The following IL4I1 variants were observed in gnomAD, a reference collection of about 807,000 sequenced individuals.
IL4I1 encodes L-amino-acid oxidase.
Under a neutral mutation model 29.7 loss-of-function variants are expected in IL4I1, and 24 were observed. The observed-to-expected ratio is 0.81, with a 90% CI of 0.59 to 1.14. The LOEUF (loss-of-function observed/expected upper bound fraction) is 1.14, where lower values mean the gene tolerates loss of function less well. Ranked by LOEUF, IL4I1 falls within the 50% of genes most tolerant of loss-of-function variation. The probability of loss-of-function intolerance (pLI) is 0.00; values close to 1 mark genes in which losing one functional copy is unlikely to be tolerated. For synonymous variants in IL4I1, 371 were observed against 352.5 expected, an observed-to-expected ratio of 1.05 and a Z score of -0.59; for missense variants, 686 against 785.6, an observed-to-expected ratio of 0.87 and a Z score of 1.52.
intron 5 of IL4I1, among the ~76,000 whole-genome samples, chr19:49,892,973 TG>T (rs2075158635): frequency 1.3e-5 from 2 of 151,682 alleles, no homozygotes; most frequent in African/African-American, 4.8e-5. Context: ...AGTTCCTGTG[TG>T]GGGAAGGGAA....
intron 3 of IL4I1, 31 bp downstream of exon 3, chr19:49,895,783 AC>A: frequency 7.4e-7 from 1 of 1,359,184 alleles, no homozygotes; most frequent in Non-Finnish European, 9.9e-7. Context: ...AGCAGGAGGG[AC>A]TCCAGGTAGA....
chr19:49,907,776 T>C (rs1011177294), intron 2 of IL4I1: 6 of 332,168 alleles, frequency 1.8e-5, no homozygotes, highest in African/African-American at 1.1e-4. Context: ...CCTCAAGTCA[T>C]CTGCCCGCCT....
chr19:49,908,288 T>A lies in IL4I1; in HGVS notation c.-227-3967A>T, dbSNP rs1062800. On this transcript the variant is annotated intron_variant, in intron 2 of 9. Coordinates refer to the IL4I1 transcript ENST00000341114. The stretch of plus-strand genomic sequence containing the variant: ...GCGCTCCTGCTCCTTGCGCCGGCCC[T>A]CGCACACCTTGGTCACCTCCTCCAC... The A allele has an allele frequency of 2.5e-6, 4 of 1,613,940 alleles. No individual in the cohort carries two copies. The highest frequency in any genetic ancestry group is 3.4e-6 in the Non-Finnish European group (4 of 1,180,026).
At chr19:49,891,704 C>T (rs1471244208) in intron 5 of IL4I1, among the ~76,000 whole-genome samples, 2 of 152,256 alleles carry the variant, frequency 1.3e-5, no homozygotes, top group African/African-American at 2.4e-5. Flanking sequence ...CCCATCCCCC[C>T]TCATTCGGCT....
At chr19:49,890,726 C>G in intron 7 of IL4I1, 126 bp from the exon 8 acceptor site, 1 of 934,296 alleles carries the variant, frequency 1.1e-6, no homozygotes, top group Non-Finnish European at 1.5e-6. Context: ...TCATCCACCT[C>G]TCCCGACCCC....
chr19:49,901,604 C>A, upstream of IL4I1: 1 of 1,418,844 alleles, frequency 7.0e-7, no homozygotes, highest in South Asian at 1.5e-5. Context: ...TTCCTGTTTC[C>A]AGAACATCCC....
chr19:49,900,622 G>T (rs948987758), upstream of IL4I1, among the ~76,000 whole-genome samples: 1 of 152,084 alleles, frequency 6.6e-6, no homozygotes, highest in Non-Finnish European at 1.5e-5. Context: ...AAGGAGATTG[G>T]TGTTCAGGTT....
intron 2 of IL4I1, chr19:49,909,118 G>T: frequency 6.2e-7 from 1 of 1,612,560 alleles, no homozygotes. Flanking sequence ...TGGCAGATGA[G>T]GTTGGAGCAG....
In IL4I1 at chr19:49,921,765, C is replaced by T. The variant is rs1156713025; in HGVS notation, c.-228+5929G>A. On this transcript the variant is annotated intron_variant, in intron 2 of 9. Coordinates refer to the IL4I1 transcript ENST00000341114. This position sits in a 1 kb window ranked among gnomAD's most constrained non-coding sequence, Gnocchi z 5.4. The stretch of plus-strand genomic sequence containing the variant: ...CCGCCTCTGCCTCTCCCCGCAGCTC[C>T]GACCATGACCATCCATCCTATGAGT... Among the ~76,000 whole-genome samples the T allele has an allele frequency of 6.6e-6, 1 of 152,180 alleles. No homozygotes were observed. Among genetic ancestry groups the T allele is most frequent in the African/African-American group, 2.4e-5 (1 of 41,446 alleles).
upstream of IL4I1, among the ~76,000 whole-genome samples, chr19:49,898,102 C>G (rs1347288260): frequency 6.6e-6 from 1 of 152,208 alleles, no homozygotes; most frequent in Non-Finnish European, 1.5e-5. Flanking sequence ...AGGCGGATCA[C>G]CTGATGTCAG....
chr19:49,891,579 G>T, intron 5 of IL4I1, 106 bp from the exon 6 acceptor site: 1 of 968,390 alleles, frequency 1.0e-6, no homozygotes, highest in Non-Finnish European at 1.7e-6. Context: ...GCCCACGGCT[G>T]GCCATTCACC....
At chr19:49,912,727 G>A (rs143625574) in intron 2 of IL4I1, among the ~76,000 whole-genome samples, 8 of 152,210 alleles carry the variant, frequency 5.3e-5, no homozygotes, top group African/African-American at 1.9e-4. Context: ...TGAGTTGGCC[G>A]TGGTGGCAGG....
rs930300235 is a variant in IL4I1, at chr19:49,896,841, C to A, written c.-29G>T. 1 of 986,190 alleles carries A rather than the reference C, an allele frequency of 1.0e-6. No homozygotes were observed. 61.1% of individuals were successfully genotyped at this position (986,190 alleles called of 1,614,324 possible). On this transcript the variant is annotated 5_prime_UTR_variant, in exon 1 of 8. Transcript: ENST00000391826. Reference sequence around the variant, plus strand: ...CCACTGGCCGTGTCACTACCTCCAGCTCTTGGTGACAGCAGGACAGCGCGG... The same window carrying A: ...CCACTGGCCGTGTCACTACCTCCAGATCTTGGTGACAGCAGGACAGCGCGG...
intron 2 of IL4I1, among the ~76,000 whole-genome samples, chr19:49,911,662 C>G (rs539416128): frequency 3.9e-5 from 6 of 152,344 alleles, no homozygotes; most frequent in African/African-American, 9.6e-5. Context: ...CCAGGGCCAG[C>G]TGCACACGCT....
intron 2 of IL4I1, among the ~76,000 whole-genome samples, chr19:49,924,234 TCTCGGGAC>T (rs1023450821): frequency 1.8e-4 from 27 of 152,068 alleles, no homozygotes; most frequent in African/African-American, 6.0e-4. Context: ...CCCCCTTACC[TCTCGGGAC>T]CTCAGTCTTG....
chr19:49,903,317 G>A (rs572247456), intron 3 of IL4I1, among the ~76,000 whole-genome samples: 74 of 152,272 alleles, frequency 4.9e-4, no homozygotes, highest in African/African-American at 1.7e-3. Context: ...TCTTGCCTCG[G>A]GAAACCTTTG....
chr19:49,910,233 G>A (rs1012873402), intron 2 of IL4I1, among the ~76,000 whole-genome samples: 3 of 152,104 alleles, frequency 2.0e-5, no homozygotes, highest in Non-Finnish European at 4.4e-5. Flanking sequence ...CACAAGAACA[G>A]CTGTAGGACC....
chr19:49,891,404 C>A lies in IL4I1; in HGVS notation c.636+1G>T. On this transcript the variant is annotated splice_donor_variant, in intron 6 of 7. Coordinates refer to ENST00000391826, the MANE Select transcript of IL4I1 (RefSeq NM_152899.2). LOFTEE classifies it high-confidence loss of function. Reference sequence around the variant, plus strand: ...TCAGCAGAACCAAGATCCCCACTTACCAAGAGCGTGTGCCTTTCAAACTTC... The same window carrying A: ...TCAGCAGAACCAAGATCCCCACTTAACAAGAGCGTGTGCCTTTCAAACTTC... 6.2e-7 allele frequency: 1 copy of A among 1,614,076 alleles called. No homozygotes were observed.
intron 6 of IL4I1, 82 bp downstream of exon 6, chr19:49,891,323 A>G: frequency 6.6e-7 from 1 of 1,504,658 alleles, no homozygotes; most frequent in African/African-American, 1.4e-5. Context: ...GGTGCCAGGT[A>G]CCCGCCTTCT....
Sources: gnomAD v4.1 joint callset for allele counts (sites outside exome capture counted in the v4.1 genomes callset) on GRCh38, gnomAD v4.1.1 for gene constraint, Gnocchi (gnomAD v3.1) non-coding constraint, MANE v1.5 for transcripts, NCBI Gene and HGNC (gene_info 2026-07-23, HGNC 2026-07-21) for gene names.